SNX13: variants seen among roughly 807,000 people sequenced by gnomAD.
SNX13 encodes the protein sorting nexin-13.
SNX13 carries 45 observed loss-of-function variants against 133.6 expected under a neutral mutation model. The ratio of observed to expected loss-of-function variants is 0.34; its 90% CI spans 0.27 to 0.43. SNX13 has a LOEUF of 0.43. Among genes scored for constraint, SNX13 ranks in the 20% least tolerant of loss-of-function variants. SNX13 has a pLI of 1.00. For missense variants in SNX13, 1,032 were observed against 1,145.1 expected (o/e 0.90, Z 1.43); for synonymous variants, 414 against 373.9 (o/e 1.11, Z -1.24).
At chr7:17,797,911 A>C (rs989144140) in intron 24 of SNX13, among the ~76,000 whole-genome samples, 1 of 151,830 alleles carries the variant, frequency 6.6e-6, no homozygotes, top group Non-Finnish European at 1.5e-5. Context: ...TCTAATCCTC[A>C]ATTTCCTTAT....
At chr7:17,846,449 A>G (rs1227659742) in intron 11 of SNX13, among the ~76,000 whole-genome samples, 19 of 152,164 alleles carry the variant, frequency 1.2e-4, no homozygotes, top group Admixed American at 1.2e-3. Context: ...GTATGACTAC[A>G]TGTTTTCAAA....
intron 20 of SNX13, among the ~76,000 whole-genome samples, chr7:17,811,096 G>A (rs1337026637): frequency 6.6e-6 from 1 of 152,098 alleles, no homozygotes; most frequent in Non-Finnish European, 1.5e-5. Context: ...ACCGGCACAA[G>A]GATACCCTCT....
chr7:17,885,158 T>TA (rs1216963784), intron 5 of SNX13, among the ~76,000 whole-genome samples: 2 of 151,938 alleles, frequency 1.3e-5, no homozygotes, highest in African/African-American at 4.8e-5. Flanking sequence ...TATTCAGCAA[T>TA]AAAAAAGAAT....
rs183366248 is a variant in SNX13 at position 17,921,092 on chromosome 7, G to A, written c.12+19192C>T. Among the ~76,000 whole-genome samples, 267 of 152,104 alleles carry A rather than the reference G, an allele frequency of 1.8e-3. 3 individuals are homozygous for A. The highest frequency in any genetic ancestry group is 0.015 in the Admixed American group (226 of 15,266). On this transcript the variant is annotated intron_variant, in intron 1 of 25. Coordinates refer to ENST00000428135, the MANE Select transcript of SNX13 (RefSeq NM_015132.5). ...GTGGGACAACAGCCCCAAACTCTAGGGCTCTCCTTAGATCTTGCACAATCA... is the reference window on the plus strand; with the variant it reads ...GTGGGACAACAGCCCCAAACTCTAGAGCTCTCCTTAGATCTTGCACAATCA...
chr7:17,803,132 G>A (rs1784820406), intron 21 of SNX13, among the ~76,000 whole-genome samples: 1 of 152,098 alleles, frequency 6.6e-6, no homozygotes, highest in Admixed American at 6.5e-5. Context: ...ATGGCATAAT[G>A]AAATAAAACA....
chr7:17,824,931 A>G (rs1006647732), intron 17 of SNX13, among the ~76,000 whole-genome samples: 2 of 151,822 alleles, frequency 1.3e-5, no homozygotes, highest in Non-Finnish European at 2.9e-5. Context: ...CACCACGCCC[A>G]GCTAATTTTT....
rs575042828 is a variant in SNX13, at chr7:17,825,001, C to G, written c.1705+1021G>C. On this transcript the variant is annotated intron_variant, in intron 17 of 25. Transcript: ENST00000428135. ...GCCAGTATGGTCTCAATATCTTGAC[C>G]TCGTGATCCGCCTGCCTCAGCCTCC... Among the ~76,000 whole-genome samples the G allele has an allele frequency of 2.5e-4, 38 of 152,190 alleles. No individual in the cohort carries two copies. The South Asian group carries it at 7.9e-3, about 32-fold the overall frequency.
At position 17,809,360 on chromosome 7, in the gene SNX13, C is replaced by T. The variant is rs561572722; in HGVS notation, c.2064+5474G>A. ...AAAACAGACTTTAAACCAACAAAGA[C>T]TTTAAACCAACAAAGGGAAAAAGAA... is the stretch of plus-strand genomic sequence containing the variant. On this transcript the variant is annotated intron_variant, in intron 20 of 25. Transcript: ENST00000428135. Among the ~76,000 whole-genome samples, 28 of 141,186 alleles carry T rather than the reference C, an allele frequency of 2.0e-4. No individual in the cohort carries two copies. The South Asian group carries it at 6.8e-3, about 34-fold the overall frequency. The allele number at this position is 141,186 out of a possible 152,430, so 92.6% of individuals were successfully genotyped here.
chr7:17,805,331 T>G (rs2128290561), intron 20 of SNX13, among the ~76,000 whole-genome samples: 1 of 151,772 alleles, frequency 6.6e-6, no homozygotes, highest in African/African-American at 2.4e-5. Context: ...AATAGTATGT[T>G]CAAATCAATC....
chr7:17,857,197 A>T (rs1792017287), intron 9 of SNX13, among the ~76,000 whole-genome samples: 1 of 152,214 alleles, frequency 6.6e-6, no homozygotes, highest in African/African-American at 2.4e-5. Flanking sequence ...AAGAAATAGA[A>T]AATCTGAACA....
At chr7:17,832,062 AT>A (rs1400841205) in intron 15 of SNX13, 3 of 982,790 alleles carry the variant, frequency 3.1e-6, no homozygotes, top group Non-Finnish European at 3.6e-6. Context: ...TAGAAAGACA[AT>A]AAGATACATA....
chr7:17,852,318 A>T (rs1283405526), intron 9 of SNX13, among the ~76,000 whole-genome samples: 2 of 152,000 alleles, frequency 1.3e-5, no homozygotes, highest in Non-Finnish European at 2.9e-5. Flanking sequence ...GGTTGAAGTG[A>T]GCTGAGATCG....
intron 1 of SNX13, among the ~76,000 whole-genome samples, chr7:17,906,327 G>C (rs563324243): frequency 3.3e-4 from 50 of 152,132 alleles, no homozygotes; most frequent in African/African-American, 1.2e-3. Flanking sequence ...TAACTGCTTA[G>C]ATTCATCTCA....
rs189624331 is a variant in SNX13 at position 17,914,721 on chromosome 7, G to A, written c.13-17275C>T. On this transcript the variant is annotated intron_variant, in intron 1 of 25. Coordinates refer to ENST00000428135, the MANE Select transcript of SNX13 (RefSeq NM_015132.5). ...GACTGGCCCTACAAGAGAAGCTTAA[G>A]GGGGTTCTAAACATGAAAACAAAAT... Among the ~76,000 whole-genome samples the A allele has an allele frequency of 1.6e-3, 249 of 152,284 alleles. 3 individuals carry two copies. Among genetic ancestry groups the A allele is most frequent in the African/African-American group, 5.5e-3 (229 of 41,556 alleles).
At chr7:17,891,744 A>C in intron 3 of SNX13, 109 bp from the exon 4 acceptor site, 1 of 661,834 alleles carries the variant, frequency 1.5e-6, no homozygotes, top group Non-Finnish European at 2.5e-6. Flanking sequence ...CCTCAAGTAA[A>C]TAAATAACCT....
chr7:17,847,875 C>T (rs1790734847), intron 11 of SNX13, among the ~76,000 whole-genome samples: 2 of 152,234 alleles, frequency 1.3e-5, no homozygotes, highest in East Asian at 3.9e-4. Context: ...CTTTGATACA[C>T]CTCTTCTTTC....
intron 15 of SNX13, chr7:17,830,862 A>C (rs1393931006): frequency 1.0e-6 from 1 of 984,256 alleles, no homozygotes; most frequent in Non-Finnish European, 1.2e-6. Flanking sequence ...TTGGTTCTCT[A>C]AATGGGTCTT....
In SNX13 at chr7:17,830,076, C is replaced by G. The variant is rs934599629; in HGVS notation, c.1598-29G>C. 9 of 1,472,258 alleles carry G rather than the reference C, an allele frequency of 6.1e-6. No homozygotes were observed. The Admixed American group carries it at 1.8e-4, about 29-fold the overall frequency. 91.2% of individuals were successfully genotyped at this position (1,472,258 alleles called of 1,614,324 possible). Reference sequence around the variant, plus strand: ...CAGGGGGGAAATTCAACTTAGTATACAGCAAAAAACTTTAAAACGGTTGCT... The same window carrying G: ...CAGGGGGGAAATTCAACTTAGTATAGAGCAAAAAACTTTAAAACGGTTGCT... On this transcript the variant is annotated intron_variant, in intron 15 of 25. Coordinates refer to ENST00000428135, the MANE Select transcript of SNX13 (RefSeq NM_015132.5).
intron 1 of SNX13, among the ~76,000 whole-genome samples, chr7:17,912,300 CCT>C (rs1233405941): frequency 6.6e-6 from 1 of 152,086 alleles, no homozygotes; most frequent in Non-Finnish European, 1.5e-5. Context: ...GGGAGAGCGC[CCT>C]GTTTCTCCCA....
Sources: gnomAD v4.1 joint callset for allele counts (sites outside exome capture counted in the v4.1 genomes callset) on GRCh38, gnomAD v4.1.1 for gene constraint, MANE v1.5 for transcripts, NCBI Gene and HGNC (gene_info 2026-07-23, HGNC 2026-07-21) for gene names.